The following MTHFD1L variants were observed in gnomAD, a reference collection of about 807,000 sequenced individuals.
MTHFD1L encodes the protein monofunctional C1-tetrahydrofolate synthase, mitochondrial.
A neutral mutation model predicts 119.5 loss-of-function variants in MTHFD1L; 81 were observed. That is an observed-to-expected ratio of 0.68 (90% CI 0.57 to 0.82). The LOEUF (loss-of-function observed/expected upper bound fraction) is 0.82. Ranked by LOEUF, MTHFD1L falls within the 40% of genes least tolerant of loss-of-function variation. The pLI is 0.00. For missense variants in MTHFD1L, 1,125 were observed against 1,253.4 expected, an observed-to-expected ratio of 0.90 and a Z score of 1.55; for synonymous variants, 430 against 475.2, an observed-to-expected ratio of 0.90 and a Z score of 1.24.
At chr6:150,955,665 A>G (rs1365062206) in intron 16 of MTHFD1L, among the ~76,000 whole-genome samples, 2 of 151,816 alleles carry the variant, frequency 1.3e-5, no homozygotes, top group East Asian at 3.9e-4. Flanking sequence ...ATGCCTGGCA[A>G]ATTTTTATAT....
At position 150,933,868 on chromosome 6, in the gene MTHFD1L, T is replaced by C. The variant is rs142923902; in HGVS notation, c.1257-2936T>C. 1.1e-4 allele frequency among the ~76,000 whole-genome samples: 17 copies of C among 152,304 alleles called. No individual in the cohort carries two copies. In the East Asian group the frequency reaches 2.1e-3, roughly 19 times the overall value. Reference sequence around the variant, plus strand: ...CCTAGCTCAAGCAGTCCTTTTACCTTGGCCTCCCAAAGTGCTAGGATTACA... The same window carrying C: ...CCTAGCTCAAGCAGTCCTTTTACCTCGGCCTCCCAAAGTGCTAGGATTACA... On this transcript the variant is annotated intron_variant, in intron 11 of 27. Transcript: ENST00000367321.
At chr6:151,074,888 G>A (rs1297901601) in intron 26 of MTHFD1L, among the ~76,000 whole-genome samples, 2 of 152,176 alleles carry the variant, frequency 1.3e-5, no homozygotes, top group Non-Finnish European at 2.9e-5. Context: ...ATCACCCAGT[G>A]ATGTGTTTCT....
At chr6:150,986,781 C>T (rs1390435527) in intron 20 of MTHFD1L, among the ~76,000 whole-genome samples, 1 of 152,152 alleles carries the variant, frequency 6.6e-6, no homozygotes, top group Non-Finnish European at 1.5e-5. Context: ...ATCGGCTCAC[C>T]ACACTCTTCA....
chr6:151,087,689 TTTTA>T (rs1291796172), intron 26 of MTHFD1L, among the ~76,000 whole-genome samples: 2 of 152,260 alleles, frequency 1.3e-5, no homozygotes, highest in East Asian at 3.8e-4. Flanking sequence ...AAGGATATTC[TTTTA>T]TTTCTTAATG....
Position 150,971,800 on chromosome 6 carries a change from G to A in MTHFD1L, c.2014-147G>A, listed in dbSNP as rs937629979. 3 of 620,838 alleles carry A rather than the reference G, an allele frequency of 4.8e-6. No individual in the cohort carries two copies. The African/African-American group carries it at 5.6e-5, about 12-fold the overall frequency. The allele number at this position is 620,838 out of a possible 1,614,324, so 38.5% of individuals were successfully genotyped here. ...GGAATTTGGTCCTTTGATTGAGTCA[G>A]GGTGTTTTGACTGTCTTTGAAATAT... On this transcript the variant is annotated intron_variant, in intron 19 of 27. Transcript: ENST00000367321.
chr6:150,880,570 C>T (rs192046606), intron 4 of MTHFD1L, among the ~76,000 whole-genome samples: 193 of 152,354 alleles, frequency 1.3e-3, no homozygotes, highest in Admixed American at 6.3e-3. Flanking sequence ...CATGGGAATG[C>T]AGACGGCTTC....
chr6:150,904,058 C>G (rs1785494676), intron 7 of MTHFD1L, among the ~76,000 whole-genome samples: 1 of 152,178 alleles, frequency 6.6e-6, no homozygotes, highest in Admixed American at 6.5e-5. Context: ...TGGGTTTGCT[C>G]CCATTACCAT....
At chr6:151,041,279 A>T (rs902928801) in intron 26 of MTHFD1L, among the ~76,000 whole-genome samples, 14 of 152,166 alleles carry the variant, frequency 9.2e-5, no homozygotes, top group African/African-American at 3.4e-4. Context: ...AAGGACTGGT[A>T]TTTATTTTTA....
At chr6:150,996,461 G>A (rs1023094321) in intron 20 of MTHFD1L, among the ~76,000 whole-genome samples, 2 of 152,104 alleles carry the variant, frequency 1.3e-5, no homozygotes, top group African/African-American at 4.8e-5. Context: ...GAGCCACCAT[G>A]CCTGGTTCTT....
chr6:151,077,946 GA>G (rs1792723798), intron 26 of MTHFD1L, among the ~76,000 whole-genome samples: 2 of 148,868 alleles, frequency 1.3e-5, no homozygotes, highest in Non-Finnish European at 3.0e-5. Context: ...AGCTACTCCG[GA>G]GAGGCTGAGG....
intron 9 of MTHFD1L, among the ~76,000 whole-genome samples, chr6:150,919,265 C>T (rs985284456): frequency 6.6e-6 from 1 of 151,890 alleles, no homozygotes; most frequent in African/African-American, 2.4e-5. Context: ...ACTTTGTCAC[C>T]CAGGCTGGAG....
At chr6:151,017,400 G>T (rs1783250889) in intron 24 of MTHFD1L, among the ~76,000 whole-genome samples, 1 of 151,676 alleles carries the variant, frequency 6.6e-6, no homozygotes, top group African/African-American at 2.4e-5. Flanking sequence ...GGGCTGGAGT[G>T]CAGAGGCACC....
In MTHFD1L at chr6:151,009,881, G is replaced by T; in HGVS notation, c.2188G>T (p.Ala730Ser). Residue 730 changes from alanine (A) to serine (S), a missense_variant, in exon 21 of 28, where the codon GCT becomes TCT. Ala to Ser is a moderately conservative substitution (Grantham distance 99, BLOSUM62 1). Around this residue, in one of 3 missense-constraint regions of MTHFD1L, gnomAD observed 1,058 missense variants for 1,151.2 expected, o/e 0.92. Coordinates refer to ENST00000367321, the MANE Select transcript of MTHFD1L (RefSeq NM_015440.5). ...GAAATTCTTCAACATCAAGTGCCGA[G>T]CTTCCGGCTTGGTGCCCAACGTGGT... ...MEKFFNIKCR[A>S]SGLVPNVVVL... 6.2e-7 allele frequency: 1 copy of T among 1,613,864 alleles called. No individual in the cohort carries two copies. The highest frequency in any genetic ancestry group is 1.1e-5 in the South Asian group (1 of 90,996).
chr6:150,937,928 G>A (rs560602608), intron 12 of MTHFD1L, among the ~76,000 whole-genome samples: 2 of 152,182 alleles, frequency 1.3e-5, no homozygotes, highest in Non-Finnish European at 2.9e-5. Context: ...GGGATACGCA[G>A]CATGACAAAT....
chr6:151,036,484 T>C (rs1786183146), intron 25 of MTHFD1L, among the ~76,000 whole-genome samples: 1 of 152,186 alleles, frequency 6.6e-6, no homozygotes, highest in Non-Finnish European at 1.5e-5. Context: ...TTAGTTCTTA[T>C]AATGTAATTG....
intron 26 of MTHFD1L, among the ~76,000 whole-genome samples, chr6:151,046,380 G>A (rs549909551): frequency 2.7e-5 from 4 of 147,264 alleles, no homozygotes; most frequent in Admixed American, 6.9e-5. Flanking sequence ...TCAGCATATT[G>A]ATCTATTATT....
intron 8 of MTHFD1L, among the ~76,000 whole-genome samples, chr6:150,917,765 A>G (rs940898350): frequency 6.6e-6 from 1 of 152,164 alleles, no homozygotes; most frequent in African/African-American, 2.4e-5. Flanking sequence ...CAACATCACA[A>G]TTTCTAGCAA....
At chr6:150,885,251 C>T (rs994089615) in intron 5 of MTHFD1L, among the ~76,000 whole-genome samples, 2 of 147,522 alleles carry the variant, frequency 1.4e-5, no homozygotes, top group East Asian at 4.0e-4. Flanking sequence ...GGCTGGAGTG[C>T]AGTGGCATGA....
At chr6:150,998,914 G>A (rs1009021785) in intron 20 of MTHFD1L, among the ~76,000 whole-genome samples, 1 of 151,134 alleles carries the variant, frequency 6.6e-6, no homozygotes, top group Non-Finnish European at 1.5e-5. Context: ...CACTTGAACT[G>A]GGTGGCAGAG....
Sources: allele counts gnomAD v4.1 joint callset (sites outside exome capture counted in the v4.1 genomes callset), GRCh38; gene constraint gnomAD v4.1.1; regional missense constraint gnomAD v4.1.1; transcripts MANE v1.5; gene names NCBI Gene and HGNC (gene_info 2026-07-23, HGNC 2026-07-21).